FGR: variants seen among roughly 807,000 people sequenced by gnomAD.
The protein encoded by FGR is FGR proto-oncogene, Src family tyrosine kinase.
A neutral mutation model predicts 63.2 loss-of-function variants in FGR; 26 were observed. That is an observed-to-expected ratio of 0.41 (90% CI 0.30 to 0.57). The LOEUF is 0.57. Among genes scored for constraint, FGR ranks in the 20% least tolerant of loss-of-function variants. The pLI is 0.27. For synonymous variants in FGR, 286 were observed against 277.7 expected (o/e 1.03, Z -0.30); for missense variants, 511 against 690.8 (o/e 0.74, Z 2.92).
intron 2 of FGR, among the ~76,000 whole-genome samples, chr1:27,624,640 T>C (rs1557736623): frequency 6.6e-6 from 1 of 152,180 alleles, no homozygotes; most frequent in Non-Finnish European, 1.5e-5. Flanking sequence ...AGTCTCTGTG[T>C]ATGTGTTTGG....
At chr1:27,618,907 C>G (rs1311762742) in intron 5 of FGR, among the ~76,000 whole-genome samples, 1 of 152,230 alleles carries the variant, frequency 6.6e-6, no homozygotes, top group Non-Finnish European at 1.5e-5. Flanking sequence ...CCCTCCCAGG[C>G]TCTGCTGTCT....
At chr1:27,625,940 AAAAC>A (rs370026843) in intron 1 of FGR, 99 of 395,610 alleles carry the variant, frequency 2.5e-4, no homozygotes, top group African/African-American at 8.4e-4. Flanking sequence ...CTCCATCTCA[AAAAC>A]AAACAAACAA....
At chr1:27,621,678 A>C in intron 4 of FGR, 21 bp from the exon 5 acceptor site, 1 of 1,592,920 alleles carries the variant, frequency 6.3e-7, no homozygotes, top group Non-Finnish European at 8.6e-7. Flanking sequence ...AGAACAGGGC[A>C]TGGTCAGCAG....
chr1:27,623,287 A>G (rs938875069), intron 3 of FGR, 143 bp from the exon 4 acceptor site: 4 of 639,596 alleles, frequency 6.3e-6, no homozygotes, highest in Admixed American at 5.3e-5. Flanking sequence ...TTGGGGTCCA[A>G]GGAATTTCTG....
chr1:27,613,371 G>A (rs764279159), intron 11 of FGR, 21 bp from the exon 12 acceptor site: 6 of 1,612,068 alleles, frequency 3.7e-6, no homozygotes, highest in Non-Finnish European at 5.1e-6. Flanking sequence ...TGGGGGAGCA[G>A]GGAAAGTTAG....
intron 1 of FGR, among the ~76,000 whole-genome samples, chr1:27,631,689 G>T (rs963784293): frequency 6.6e-6 from 1 of 152,188 alleles, no homozygotes; most frequent in African/African-American, 2.4e-5. Flanking sequence ...TTTCCCTTGA[G>T]GAAGGTCCTC....
At position 27,619,763 on chromosome 1, in the gene FGR, G is replaced by A. The variant is rs966530232; in HGVS notation, c.428+1796C>T. Among the ~76,000 whole-genome samples, 4 of 152,138 alleles carry A rather than the reference G, an allele frequency of 2.6e-5. No homozygotes were observed. In the East Asian group the frequency reaches 5.8e-4, roughly 22 times the overall value. On this transcript the variant is annotated intron_variant, in intron 5 of 12. Coordinates refer to ENST00000374005, the MANE Select transcript of FGR (RefSeq NM_005248.3). Reference sequence around the variant, plus strand: ...ACCACAATCCAACAAGTACCCCCTAGAACTCATGAACTTATACCTGCTCCT... The same window carrying A: ...ACCACAATCCAACAAGTACCCCCTAAAACTCATGAACTTATACCTGCTCCT...
rs56021900 is a variant in FGR at position 27,628,516 on chromosome 1, T to TACACACAC, written c.-76-3373_-76-3366dup. On this transcript the variant is annotated intron_variant, in intron 1 of 12. Coordinates refer to ENST00000374005, the MANE Select transcript of FGR (RefSeq NM_005248.3). ...TGTCCCCCCACCCCCCATGTAGGGA[T>TACACACAC]ACACACACACACACACACACACACA... Among the ~76,000 whole-genome samples, 399 of 91,304 alleles carry TACACACAC rather than the reference T, an allele frequency of 4.4e-3. 3 individuals are homozygous for TACACACAC. Among genetic ancestry groups the TACACACAC allele is most frequent in the African/African-American group, 0.013 (308 of 23,712 alleles). The allele number at this position is 91,304 out of a possible 152,430, so 59.9% of individuals were successfully genotyped here. A position where few individuals can be genotyped will look rare whatever the true frequency, so the allele number is the denominator to read the frequency against.
At chr1:27,633,995 T>A (rs1445831549) in intron 1 of FGR, among the ~76,000 whole-genome samples, 1 of 152,146 alleles carries the variant, frequency 6.6e-6, no homozygotes, top group African/African-American at 2.4e-5. Context: ...AAGGGCCCAG[T>A]CTTGCTAAGA....
chr1:27,628,750 C>G (rs1018630578), intron 1 of FGR, among the ~76,000 whole-genome samples: 6 of 152,140 alleles, frequency 3.9e-5, no homozygotes, highest in African/African-American at 1.4e-4. Context: ...CCCAGTATGG[C>G]TGGAAGGGAG....
Position 27,615,869 on chromosome 1 carries a change from G to C in FGR, c.683-25C>G. 6.5e-7 allele frequency: 1 copy of C among 1,548,758 alleles called. No homozygotes were observed. Among genetic ancestry groups the C allele is most frequent in the Non-Finnish European group, 8.8e-7 (1 of 1,141,900 alleles). On this transcript the variant is annotated intron_variant, in intron 7 of 12. Transcript: ENST00000374005. This position sits in a 1 kb window ranked among gnomAD's most constrained non-coding sequence, Gnocchi z 7.6. ...TCTAGGGGAGGGGTCATGAAGTAGA[G>C]TCACAGGTGGGCCAGGACACCCCCC...
rs1301910895 is a variant in FGR, at chr1:27,621,494, T to C, written c.428+65A>G. 10 of 1,113,124 alleles carry C rather than the reference T, an allele frequency of 9.0e-6. No individual in the cohort carries two copies. In the Admixed American group the frequency reaches 1.7e-4, roughly 19 times the overall value. The allele number at this position is 1,113,124 out of a possible 1,614,324, so 69.0% of individuals were successfully genotyped here. On this transcript the variant is annotated intron_variant, in intron 5 of 12. Coordinates refer to ENST00000374005, the MANE Select transcript of FGR (RefSeq NM_005248.3). ...CTGGAGCAATGACTTGTCCAAGAGG[T>C]GGCCTTGGAGTCTGGACTCCAGGGT...
At chr1:27,623,316 A>G (rs901790602) in intron 3 of FGR, 172 bp from the exon 4 acceptor site, 2 of 611,242 alleles carry the variant, frequency 3.3e-6, no homozygotes, top group African/African-American at 3.7e-5. Flanking sequence ...TCCACAGCTT[A>G]GGACACACAA....
chr1:27,616,454 C>T lies in FGR; in HGVS notation c.682+403G>A, dbSNP rs1486973288. Among the ~76,000 whole-genome samples, 1 of 152,228 alleles carries T rather than the reference C, an allele frequency of 6.6e-6. No individual in the cohort carries two copies. Among genetic ancestry groups the T allele is most frequent in the Non-Finnish European group, 1.5e-5 (1 of 68,036 alleles). On this transcript the variant is annotated intron_variant, in intron 7 of 12. Transcript: ENST00000374005. This position sits in a 1 kb window ranked among gnomAD's most constrained non-coding sequence, Gnocchi z 4.3. ...TGCCTTGGCCCCTGGCATCCAAGCT[C>T]CACCAGCAGCCAGAGTTTCTCACAA...
intron 1 of FGR, among the ~76,000 whole-genome samples, chr1:27,634,709 C>T (rs965345940): frequency 6.6e-6 from 1 of 152,054 alleles, no homozygotes; most frequent in African/African-American, 2.4e-5. Flanking sequence ...AGTTTCTCCC[C>T]CAGACCGTCC....
chr1:27,615,605 T>A lies in FGR; in HGVS notation c.847A>T (p.Asn283Tyr). 6.2e-7 allele frequency: 1 copy of A among 1,608,020 alleles called. No individual in the cohort carries two copies. Among genetic ancestry groups the A allele is most frequent in the Non-Finnish European group, 8.5e-7 (1 of 1,175,026 alleles). The part of the protein sequence containing the change: ...CFGDVWLGTW[N>Y]GSTKVAVKTL... ...TTCACCGCCACCTTAGTGCTGCCGT[T>A]CCACGTGCCTGCTCGGAGGCTGTCT... Residue 283 changes from asparagine (N) to tyrosine (Y), a missense_variant, in exon 9 of 13, where the codon AAC (asparagine) becomes TAC (tyrosine). Transcript: ENST00000374005. This position sits in a 1 kb window ranked among gnomAD's most constrained non-coding sequence, Gnocchi z 7.6.
chr1:27,623,056 G>A lies in FGR; in HGVS notation c.315C>T (p.His105=), dbSNP rs1257741505. The change falls in exon 4 of 13, where the codon CAC becomes CAT. Residue 105 remains histidine (H), a synonymous_variant. Transcript: ENST00000374005. ...TGGTCACTTACGTATTGTTCAGGAT[G>A]TGGAACTTCTCGCCCTTGGTGAAGG... is the stretch of plus-strand genomic sequence containing the variant. The part of the protein sequence containing the change: ...DLTFTKGEKF[H]ILNNTEGDWW... 6.2e-7 allele frequency: 1 copy of A among 1,613,468 alleles called. No individual in the cohort carries two copies. Among genetic ancestry groups the A allele is most frequent in the African/African-American group, 1.3e-5 (1 of 74,932 alleles).
chr1:27,634,742 TC>T (rs1036149291), intron 1 of FGR, among the ~76,000 whole-genome samples: 4 of 150,442 alleles, frequency 2.7e-5, no homozygotes, highest in Non-Finnish European at 4.4e-5. Flanking sequence ...TTAATCCTTC[TC>T]CCCCACCTCA....
intron 11 of FGR, 143 bp downstream of exon 11, chr1:27,614,287 G>A: frequency 2.1e-6 from 2 of 964,878 alleles, no homozygotes; most frequent in Non-Finnish European, 3.0e-6. Context: ...CCTGGGATTT[G>A]AGCCCAGAAT....
Sources: allele counts gnomAD v4.1 joint callset (sites outside exome capture counted in the v4.1 genomes callset), GRCh38; gene constraint gnomAD v4.1.1; non-coding constraint Gnocchi (gnomAD v3.1); transcripts MANE v1.5; gene names NCBI Gene and HGNC (gene_info 2026-07-23, HGNC 2026-07-21).